FOXP2: variants seen among roughly 807,000 people sequenced by gnomAD.
FOXP2 encodes forkhead box P2, also known as forkhead box protein P2.
FOXP2 carries 12 observed loss-of-function variants against 115.8 expected under a neutral mutation model. The ratio of observed to expected loss-of-function variants is 0.10; its 90% CI spans 0.07 to 0.17. The LOEUF is 0.17. Among genes scored for constraint, FOXP2 ranks in the 10% least tolerant of loss-of-function variants. The pLI is 1.00. For synonymous variants in FOXP2, 328 were observed against 297.7 expected (o/e 1.10, Z -1.05); for missense variants, 629 against 843.5 (o/e 0.75, Z 3.15).
intron 2 of FOXP2, among the ~76,000 whole-genome samples, chr7:114,528,127 C>A (rs1798962972): frequency 6.6e-6 from 1 of 151,978 alleles, no homozygotes; most frequent in Non-Finnish European, 1.5e-5. Flanking sequence ...ATCTTCTCAC[C>A]ATGTTTTACT....
chr7:114,186,607 C>T (rs914218947), intron 1 of FOXP2, among the ~76,000 whole-genome samples: 11 of 152,134 alleles, frequency 7.2e-5, no homozygotes, highest in Non-Finnish European at 1.5e-4. Flanking sequence ...CTTGTACCTG[C>T]AACTTTGCCA....
intron 1 of FOXP2, among the ~76,000 whole-genome samples, chr7:114,262,101 A>G (rs780205758): frequency 1.6e-4 from 25 of 151,838 alleles, no homozygotes; most frequent in Non-Finnish European, 1.6e-4. Context: ...GGGCAGGTGT[A>G]TCTGATAGAA....
rs373728183 is a variant in FOXP2, at chr7:114,343,673, G to A, written c.-11+55564G>A. Among the ~76,000 whole-genome samples the A allele has an allele frequency of 3.0e-3, 453 of 151,534 alleles. 1 individual carries two copies. Among genetic ancestry groups the A allele is most frequent in the South Asian group, 0.011 (53 of 4,812 alleles). The stretch of plus-strand genomic sequence containing the variant: ...TGCATATGCACTTCTCTTAGCTTAG[G>A]GCCTTTGTGCTGTCTATTGCTTCCA... On this transcript the variant is annotated intron_variant, in intron 2 of 17. Transcript: ENST00000634411.
chr7:114,588,344 A>G (rs1455898835), intron 3 of FOXP2, among the ~76,000 whole-genome samples: 1 of 152,016 alleles, frequency 6.6e-6, no homozygotes, highest in East Asian at 1.9e-4. Context: ...AAACAAACAA[A>G]CAAAAAAACT....
chr7:114,234,058 C>T (rs1003020165), intron 1 of FOXP2, among the ~76,000 whole-genome samples: 5 of 152,136 alleles, frequency 3.3e-5, no homozygotes, highest in Admixed American at 1.3e-4. Flanking sequence ...CAATTATTAT[C>T]ACTGGGTATT....
chr7:114,170,516 A>G (rs754850886), intron 1 of FOXP2, among the ~76,000 whole-genome samples: 1 of 152,234 alleles, frequency 6.6e-6, no homozygotes, highest in Non-Finnish European at 1.5e-5. Context: ...GCCTCTTATG[A>G]CAAACAGCCC....
At chr7:114,456,933 A>T (rs550105131) in intron 2 of FOXP2, among the ~76,000 whole-genome samples, 41 of 152,294 alleles carry the variant, frequency 2.7e-4, no homozygotes, top group Non-Finnish European at 5.3e-4. Flanking sequence ...CAGAGAAAAA[A>T]AAAATACTGC....
chr7:114,224,292 AGTTT>A (rs1436346541), intron 1 of FOXP2, among the ~76,000 whole-genome samples: 2 of 152,118 alleles, frequency 1.3e-5, no homozygotes, highest in Non-Finnish European at 2.9e-5. Context: ...TTAGCTTGTC[AGTTT>A]GGATGAAAGC....
At chr7:114,118,333 A>G (rs536130127) in intron 1 of FOXP2, among the ~76,000 whole-genome samples, 1 of 152,260 alleles carries the variant, frequency 6.6e-6, no homozygotes, top group African/African-American at 2.4e-5. Flanking sequence ...TGATTTTCAA[A>G]ATGGGAAATA....
At chr7:114,130,759 A>G (rs1424106906) in intron 1 of FOXP2, among the ~76,000 whole-genome samples, 2 of 152,232 alleles carry the variant, frequency 1.3e-5, no homozygotes, top group East Asian at 3.8e-4. Context: ...AAGGCATCAG[A>G]ATAGGTATTT....
chr7:114,122,872 A>G (rs559491706), intron 1 of FOXP2, among the ~76,000 whole-genome samples: 1 of 152,022 alleles, frequency 6.6e-6, no homozygotes, highest in Non-Finnish European at 1.5e-5. Flanking sequence ...CTTTTCTTGT[A>G]TATGATTTTT....
chr7:114,104,380 A>C (rs1791062318), intron 1 of FOXP2, among the ~76,000 whole-genome samples: 1 of 151,934 alleles, frequency 6.6e-6, no homozygotes, highest in South Asian at 2.1e-4. Context: ...GGGGCTGTTG[A>C]GATATGCATG....
At chr7:114,635,378 T>C (rs1004991529) in intron 6 of FOXP2, among the ~76,000 whole-genome samples, 4 of 152,150 alleles carry the variant, frequency 2.6e-5, no homozygotes, top group African/African-American at 9.7e-5. Context: ...CATGCAAAAA[T>C]ATTACCATGT....
At chr7:114,253,279 G>A (rs1335316889) in intron 1 of FOXP2, among the ~76,000 whole-genome samples, 3 of 152,104 alleles carry the variant, frequency 2.0e-5, no homozygotes, top group Admixed American at 6.5e-5. Flanking sequence ...TTGATTTGGG[G>A]TGGAGAGTTC....
intron 1 of FOXP2, among the ~76,000 whole-genome samples, chr7:114,150,151 T>C (rs146103765): frequency 6.4e-4 from 98 of 152,222 alleles, no homozygotes; most frequent in Admixed American, 1.0e-3. Context: ...TAAAGGTAGA[T>C]AATACATAGT....
intron 2 of FOXP2, among the ~76,000 whole-genome samples, chr7:114,459,762 C>A (rs889088270): frequency 6.6e-6 from 1 of 151,988 alleles, no homozygotes; most frequent in Non-Finnish European, 1.5e-5. Context: ...ATTACAAACA[C>A]GTGCCACCAC....
rs146555299 is a variant in FOXP2, at chr7:114,526,092, A to G, written c.169-8525A>G. Among the ~76,000 whole-genome samples, 686 of 150,404 alleles carry G rather than the reference A, an allele frequency of 4.6e-3. 25 individuals carry two copies. The highest frequency in any genetic ancestry group is 1.4e-3 in the East Asian group (7 of 5,032). On this transcript the variant is annotated intron_variant, in intron 2 of 16. Coordinates refer to ENST00000350908, the MANE Select transcript of FOXP2 (RefSeq NM_014491.4). ...ACACCATTGCACTCCAGCCTGGACA[A>G]CAAGAGTGAAATTTCGTCTCAAAAA...
intron 1 of FOXP2, among the ~76,000 whole-genome samples, chr7:114,121,879 CA>C (rs1051700953): frequency 3.3e-5 from 5 of 152,022 alleles, no homozygotes; most frequent in African/African-American, 1.2e-4. Flanking sequence ...TGCTGATAAT[CA>C]AAAATATTCC....
At chr7:114,381,093 G>T (rs1792280035) in intron 2 of FOXP2, among the ~76,000 whole-genome samples, 3 of 152,186 alleles carry the variant, frequency 2.0e-5, no homozygotes, top group Admixed American at 2.0e-4. Flanking sequence ...TGTATATAAT[G>T]GTCTGGCTAT....
Sources: gnomAD v4.1 joint callset for allele counts (sites outside exome capture counted in the v4.1 genomes callset) on GRCh38, gnomAD v4.1.1 for gene constraint, MANE v1.5 for transcripts, NCBI Gene and HGNC (gene_info 2026-07-23, HGNC 2026-07-21) for gene names.